XCL1: variants seen among roughly 807,000 people sequenced by gnomAD.
The protein encoded by XCL1 is X-C motif chemokine ligand 1.
A neutral mutation model predicts 7.4 loss-of-function variants in XCL1; 6 were observed. The observed-to-expected ratio is 0.82, with a 90% CI of 0.45 to 1.61. The LOEUF is 1.61. XCL1 is among the 40% of genes most tolerant of loss of function. XCL1 has a pLI of 0.01. For missense variants in XCL1, 122 were observed against 138.2 expected (o/e 0.88, Z 0.59); for synonymous variants, 48 against 52.4 (o/e 0.92, Z 0.36).
At chr1:168,579,090 A>G (rs7529299) in intron 1 of XCL1, 27 of 428,204 alleles carry the variant, frequency 6.3e-5, no homozygotes, top group African/African-American at 4.5e-4. Flanking sequence ...GCCTGGGCCA[A>G]CAGTCTCTGC....
intron 1 of XCL1, among the ~76,000 whole-genome samples, chr1:168,578,345 C>A (rs1655076313): frequency 6.6e-6 from 1 of 152,136 alleles, no homozygotes; most frequent in Non-Finnish European, 1.5e-5. Context: ...ACTTTAGATG[C>A]TTTTTAGCTG....
At position 168,581,286 on chromosome 1, in the gene XCL1, A is replaced by G. The variant is rs1241432584; in HGVS notation, c.*66A>G. ...TTTCACTTTACACGCTCATGGACTG[A>G]GTTTATACTCACCTTTTATGAAAGC... On this transcript the variant is annotated 3_prime_UTR_variant, in exon 3 of 3. Coordinates refer to ENST00000367818, the MANE Select transcript of XCL1 (RefSeq NM_002995.3). 1 of 1,558,302 alleles carries G rather than the reference A, an allele frequency of 6.4e-7. No individual in the cohort carries two copies. The highest frequency in any genetic ancestry group is 8.7e-7 in the Non-Finnish European group (1 of 1,149,702).
chr1:168,580,599 G>T (rs1351533640), intron 2 of XCL1, among the ~76,000 whole-genome samples: 1 of 152,002 alleles, frequency 6.6e-6, no homozygotes, highest in Non-Finnish European at 1.5e-5. Context: ...CAACCTACAT[G>T]GTCCCTTTCT....
chr1:168,577,734 T>G (rs1033877675), intron 1 of XCL1, among the ~76,000 whole-genome samples: 1 of 152,212 alleles, frequency 6.6e-6, no homozygotes, highest in South Asian at 2.1e-4. Context: ...GCTACCTGGC[T>G]GGCATTTTGC....
intron 1 of XCL1, chr1:168,578,629 C>T (rs1340653474): frequency 2.9e-5 from 6 of 203,862 alleles, no homozygotes; most frequent in South Asian, 1.7e-4. Flanking sequence ...TTTTTATGTA[C>T]AGAAAACTCA....
Position 168,580,190 on chromosome 1 carries a change from C to T in XCL1, c.176+13C>T, listed in dbSNP as rs750295304. 6 of 1,612,618 alleles carry T rather than the reference C, an allele frequency of 3.7e-6. No homozygotes were observed. In the Admixed American group the frequency reaches 1.0e-4, roughly 27 times the overall value. On this transcript the variant is annotated intron_variant, in intron 2 of 2. Coordinates refer to ENST00000367818, the MANE Select transcript of XCL1 (RefSeq NM_002995.3). ...TGAGAGCAGTAATGTGAGTCTGCCT[C>T]CTCAGAAGTTGTGCTGGGTGGGTAT...
At chr1:168,576,805 G>T in intron 1 of XCL1, 107 bp downstream of exon 1, 2 of 1,517,170 alleles carry the variant, frequency 1.3e-6, no homozygotes, top group South Asian at 1.2e-5. Flanking sequence ...CTTTCCCCAG[G>T]GGAGCCTTAA....
rs779195325 is a variant in XCL1, at chr1:168,579,944, A to C, written c.62-119A>C. The C allele has an allele frequency of 2.5e-5, 26 of 1,054,744 alleles. 1 individual carries two copies. Among genetic ancestry groups the C allele is most frequent in the Middle Eastern group, 2.8e-4 (1 of 3,546 alleles). 65.3% of individuals were successfully genotyped at this position (1,054,744 alleles called of 1,614,324 possible). A position where few individuals can be genotyped will look rare whatever the true frequency, so the allele number is the denominator to read the frequency against. On this transcript the variant is annotated intron_variant, in intron 1 of 2. Coordinates refer to ENST00000367818, the MANE Select transcript of XCL1 (RefSeq NM_002995.3). The stretch of plus-strand genomic sequence containing the variant: ...ATGCCTATCAGTCCTCTCTTCCCCC[A>C]AAAAGCAAATGGCCTTAAATTCTCA...
At chr1:168,578,131 T>C (rs1053827918) in intron 1 of XCL1, among the ~76,000 whole-genome samples, 1 of 152,140 alleles carries the variant, frequency 6.6e-6, no homozygotes, top group African/African-American at 2.4e-5. Flanking sequence ...CCCAGATTTT[T>C]CCTCTTTCAT....
At chr1:168,578,483 T>A (rs1186672243) in intron 1 of XCL1, among the ~76,000 whole-genome samples, 2 of 152,246 alleles carry the variant, frequency 1.3e-5, no homozygotes, top group African/African-American at 4.8e-5. Flanking sequence ...CCTCTTGCAA[T>A]GTAAGATGAT....
chr1:168,576,901 T>G lies in XCL1; in HGVS notation c.61+203T>G, dbSNP rs1304453649. Among the ~76,000 whole-genome samples, 3 of 152,190 alleles carry G rather than the reference T, an allele frequency of 2.0e-5. No homozygotes were observed. In the East Asian group the frequency reaches 5.8e-4, roughly 29 times the overall value. On this transcript the variant is annotated intron_variant, in intron 1 of 2. Transcript: ENST00000367818. ...AAACAGGGAGAATTTGATTAGTATC[T>G]GGGCTCCTACTTTTCCTAATTGGGT...
chr1:168,577,470 C>G (rs1424680973), intron 1 of XCL1, among the ~76,000 whole-genome samples: 2 of 152,076 alleles, frequency 1.3e-5, no homozygotes. Context: ...TCAGATATAC[C>G]GAGCCCTTAC....
Position 168,581,270 on chromosome 1 carries a change from A to T in XCL1, c.*50A>T. The T allele has an allele frequency of 6.2e-7, 1 of 1,603,996 alleles. No individual in the cohort carries two copies. Among genetic ancestry groups the T allele is most frequent in the South Asian group, 1.1e-5 (1 of 89,892 alleles). Reference sequence around the variant, plus strand: ...CCAGCCAGCCAGCTCATTTCACTTTACACGCTCATGGACTGAGTTTATACT... The same window carrying T: ...CCAGCCAGCCAGCTCATTTCACTTTTCACGCTCATGGACTGAGTTTATACT... On this transcript the variant is annotated 3_prime_UTR_variant, in exon 3 of 3. Transcript: ENST00000367818.
chr1:168,579,554 T>A lies in XCL1; in HGVS notation c.62-509T>A, dbSNP rs138379149. On this transcript the variant is annotated intron_variant, in intron 1 of 2. Coordinates refer to ENST00000367818, the MANE Select transcript of XCL1 (RefSeq NM_002995.3). ...CTGAATGTTGCCTTGCCTAGAGTAC[T>A]CTTCACGCATTACTCTGTCATCTCA... 3.9e-3 allele frequency: 683 copies of A among 173,506 alleles called. 7 individuals carry two copies. The highest frequency in any genetic ancestry group is 0.016 in the African/African-American group (652 of 41,780). 10.7% of individuals were successfully genotyped at this position (173,506 alleles called of 1,614,324 possible). A position where few individuals can be genotyped will look rare whatever the true frequency, so the allele number is the denominator to read the frequency against.
At position 168,580,091 on chromosome 1, in the gene XCL1, G is replaced by A. The variant is rs1437511672; in HGVS notation, c.90G>A (p.Arg30=). The A allele has an allele frequency of 2.2e-5, 36 of 1,613,468 alleles. No individual in the cohort carries two copies. The highest frequency in any genetic ancestry group is 3.0e-5 in the Non-Finnish European group (35 of 1,179,720). Residue 30 remains arginine (R), a synonymous_variant, in exon 2 of 3, where the codon AGG becomes AGA. Transcript: ENST00000367818. The stretch of plus-strand genomic sequence containing the variant: ...TAGGGAGTGAAGTCTCAGATAAGAG[G>A]ACCTGTGTGAGCCTCACTACCCAGC... ...EGVGSEVSDK[R]TCVSLTTQRL...
intron 2 of XCL1, among the ~76,000 whole-genome samples, chr1:168,580,793 A>G (rs760867276): frequency 5.9e-5 from 9 of 152,186 alleles, no homozygotes; most frequent in Non-Finnish European, 1.2e-4. Flanking sequence ...TTTTGTTACA[A>G]CATTTGGTGA....
intron 1 of XCL1, chr1:168,578,939 C>A: frequency 8.1e-6 from 3 of 368,224 alleles, no homozygotes; most frequent in South Asian, 6.6e-5. Flanking sequence ...GAAAGTTAAC[C>A]AGCTTGATGG....
rs1206731003 is a variant in XCL1, at chr1:168,581,043, G to A, written c.177-9G>A. On this transcript the variant is annotated splice_polypyrimidine_tract_variant and intron_variant, in intron 2 of 2. Transcript: ENST00000367818. ...GGCTAACTTCGTCTGTCTTTTCCTT[G>A]CGTTACAGTTTTATTACCAAACGTG... 1 of 1,612,968 alleles carries A rather than the reference G, an allele frequency of 6.2e-7. No homozygotes were observed. The highest frequency in any genetic ancestry group is 8.5e-7 in the Non-Finnish European group (1 of 1,179,180).
chr1:168,580,185 T>G lies in XCL1; in HGVS notation c.176+8T>G, dbSNP rs995724229. On this transcript the variant is annotated splice_region_variant and intron_variant, in intron 2 of 2. Transcript: ENST00000367818. The stretch of plus-strand genomic sequence containing the variant: ...CTCCTTGAGAGCAGTAATGTGAGTC[T>G]GCCTCCTCAGAAGTTGTGCTGGGTG... The G allele has an allele frequency of 2.5e-6, 4 of 1,613,210 alleles. No individual in the cohort carries two copies. Among genetic ancestry groups the G allele is most frequent in the Admixed American group, 3.3e-5 (2 of 59,952 alleles).
Sources: gnomAD v4.1 joint callset for allele counts (sites outside exome capture counted in the v4.1 genomes callset) on GRCh38, gnomAD v4.1.1 for gene constraint, MANE v1.5 for transcripts, NCBI Gene and HGNC (gene_info 2026-07-23, HGNC 2026-07-21) for gene names.